PLD1: variants seen among roughly 807,000 people sequenced by gnomAD.
PLD1 encodes choline phosphatase 1.
A neutral mutation model predicts 137.1 loss-of-function variants in PLD1; 112 were observed. The observed-to-expected ratio is 0.82, with a 90% confidence interval of 0.70 to 0.96. The LOEUF is 0.96. Among genes scored for constraint, PLD1 ranks in the 40% least tolerant of loss-of-function variants. PLD1 has a pLI of 0.00. For synonymous variants in PLD1, 431 were observed against 454.7 expected (o/e 0.95, Z 0.66); for missense variants, 1,321 against 1,342.0 (o/e 0.98, Z 0.24).
At chr3:171,792,372 T>C (rs546790354) in intron 1 of PLD1, 4 of 352,140 alleles carry the variant, frequency 1.1e-5, no homozygotes, top group South Asian at 6.5e-5. Context: ...CCTTATTTCA[T>C]ATACTAAGAG....
Position 171,735,543 on chromosome 3 carries a change from C to T in PLD1, c.383G>A (p.Arg128Lys), listed in dbSNP as rs772624558. ...RKFKHFQEFH[R>K]ELLKYKAFIR... ...AAAGGCTTTGTACTTGAGCAGCTCT[C>T]TGTGAAATTCTTGAAAATGCTTGAA... Residue 128 changes from arginine to lysine, a missense_variant, in exon 4 of 27, where the codon AGA becomes AAA. By Grantham distance (26) the Arg-to-Lys change is conservative (BLOSUM62 2). Transcript: ENST00000351298. 10 of 1,612,746 alleles carry T rather than the reference C, an allele frequency of 6.2e-6. No homozygotes were observed. The East Asian group carries it at 2.0e-4, about 32-fold the overall frequency.
intron 23 of PLD1, among the ~76,000 whole-genome samples, chr3:171,639,598 C>T (rs1175221022): frequency 1.0e-4 from 8 of 76,392 alleles, no homozygotes; most frequent in Admixed American, 9.4e-4. Flanking sequence ...AATATATATT[C>T]ATATAATATA....
chr3:171,666,251 G>A (rs1287301989), intron 19 of PLD1: 1 of 152,472 alleles, frequency 6.6e-6, no homozygotes, highest in East Asian at 1.9e-4. Context: ...AGTTTTAATG[G>A]ACTCACAGTT....
At position 171,685,277 on chromosome 3, in the gene PLD1, T is replaced by C. The variant is rs114577933; in HGVS notation, c.1867+1408A>G. Among the ~76,000 whole-genome samples the C allele has an allele frequency of 4.3e-3, 661 of 152,286 alleles. 6 individuals are homozygous for C. The highest frequency in any genetic ancestry group is 0.015 in the African/African-American group (624 of 41,558). Reference sequence around the variant, plus strand: ...ATGCTGGGAATCATTACTCAAAGTCTAGCATAATTTTTCAGGTTCATTAGC... The same window carrying C: ...ATGCTGGGAATCATTACTCAAAGTCCAGCATAATTTTTCAGGTTCATTAGC... On this transcript the variant is annotated intron_variant, in intron 16 of 26. Coordinates refer to ENST00000351298, the MANE Select transcript of PLD1 (RefSeq NM_002662.5).
intron 23 of PLD1, among the ~76,000 whole-genome samples, chr3:171,630,472 T>TAG (rs1218696802): frequency 8.6e-6 from 1 of 116,884 alleles, no homozygotes; most frequent in African/African-American, 3.9e-5. Context: ...CTCAGGGATC[T>TAG]AGAACTAGAA....
chr3:171,656,451 G>A (rs1329865211), intron 21 of PLD1, among the ~76,000 whole-genome samples: 4 of 152,190 alleles, frequency 2.6e-5, no homozygotes, highest in Non-Finnish European at 5.9e-5. Flanking sequence ...GATTACAGGC[G>A]TGAGCCACCA....
intron 11 of PLD1, among the ~76,000 whole-genome samples, 185 bp downstream of exon 11, chr3:171,708,570 T>C (rs1251484169): frequency 6.6e-6 from 1 of 152,234 alleles, no homozygotes; most frequent in Non-Finnish European, 1.5e-5. Context: ...TTATGAATAT[T>C]GTTGAGGCCA....
At chr3:171,728,083 G>C (rs947807674) in intron 6 of PLD1, among the ~76,000 whole-genome samples, 6 of 152,182 alleles carry the variant, frequency 3.9e-5, no homozygotes, top group Non-Finnish European at 7.3e-5. Context: ...GCTGAGGTGG[G>C]TGGATCACTT....
chr3:171,751,125 A>G (rs950655566), intron 1 of PLD1, among the ~76,000 whole-genome samples: 1 of 152,182 alleles, frequency 6.6e-6, no homozygotes, highest in Non-Finnish European at 1.5e-5. Flanking sequence ...TATAAAATAA[A>G]ATTAGTTCTC....
intron 1 of PLD1, among the ~76,000 whole-genome samples, chr3:171,754,219 T>C (rs1720859155): frequency 6.6e-6 from 1 of 152,180 alleles, no homozygotes; most frequent in Non-Finnish European, 1.5e-5. Context: ...GGGTTCTCAG[T>C]CACTGTTTCT....
intron 23 of PLD1, among the ~76,000 whole-genome samples, chr3:171,642,226 G>A (rs1397456776): frequency 2.0e-5 from 3 of 151,856 alleles, no homozygotes; most frequent in Non-Finnish European, 2.9e-5. Flanking sequence ...AGGCTGTGGC[G>A]GGTGGATCAC....
chr3:171,624,787 A>G (rs1426935075), intron 23 of PLD1, among the ~76,000 whole-genome samples: 1 of 152,156 alleles, frequency 6.6e-6, no homozygotes, highest in Non-Finnish European at 1.5e-5. Context: ...GGTGAACAAG[A>G]GAATATGCAG....
intron 24 of PLD1, among the ~76,000 whole-genome samples, chr3:171,614,814 G>A (rs7611425): frequency 0.078 from 11,887 of 152,226 alleles, 1,314 homozygotes; most frequent in African/African-American, 0.25. Flanking sequence ...AGCCAGCCTG[G>A]AAAGCCCCCT....
At chr3:171,687,978 G>A (rs1031174685) in intron 14 of PLD1, among the ~76,000 whole-genome samples, 2 of 152,052 alleles carry the variant, frequency 1.3e-5, no homozygotes, top group African/African-American at 4.8e-5. Flanking sequence ...TGCTATTTTT[G>A]CATAAGTTTT....
rs140477974 is a variant in PLD1, at chr3:171,724,804, A to T, written c.666-16T>A. On this transcript the variant is annotated splice_polypyrimidine_tract_variant and intron_variant, in intron 7 of 26. Coordinates refer to ENST00000351298, the MANE Select transcript of PLD1 (RefSeq NM_002662.5). The stretch of plus-strand genomic sequence containing the variant: ...CATACCTTCTCTGAAAGAGACAGAA[A>T]ATTAACCCATCACCTTCAAATTTCC... The T allele has an allele frequency of 2.2e-4, 325 of 1,507,468 alleles. 2 individuals carry two copies. The African/African-American group carries it at 3.8e-3, about 18-fold the overall frequency. 93.4% of individuals were successfully genotyped at this position (1,507,468 alleles called of 1,614,324 possible). A position where few individuals can be genotyped will look rare whatever the true frequency, so the allele number is the denominator to read the frequency against.
intron 24 of PLD1, among the ~76,000 whole-genome samples, chr3:171,615,623 A>G (rs184116502): frequency 1.3e-5 from 2 of 152,328 alleles, no homozygotes; most frequent in Admixed American, 6.5e-5. Flanking sequence ...TAATTTATAT[A>G]AGTGGAATCA....
At chr3:171,643,175 C>T (rs1560173740) in intron 22 of PLD1, 3 of 295,630 alleles carry the variant, frequency 1.0e-5, no homozygotes, top group Non-Finnish European at 6.2e-6. Flanking sequence ...CATGAATGAA[C>T]TTTCCCTCTT....
intron 19 of PLD1, among the ~76,000 whole-genome samples, chr3:171,663,646 C>T (rs1240995252): frequency 6.6e-6 from 1 of 152,212 alleles, no homozygotes; most frequent in Non-Finnish European, 1.5e-5. Context: ...GTTCTCAACA[C>T]TCAGCAACCA....
chr3:171,770,519 A>T (rs2108329331), intron 1 of PLD1, among the ~76,000 whole-genome samples: 1 of 152,306 alleles, frequency 6.6e-6, no homozygotes, highest in South Asian at 2.1e-4. Context: ...AAAAAATAAA[A>T]TCAACTGTGT....
Sources: gnomAD v4.1 joint callset for allele counts (sites outside exome capture counted in the v4.1 genomes callset) on GRCh38, gnomAD v4.1.1 for gene constraint, MANE v1.5 for transcripts, NCBI Gene and HGNC (gene_info 2026-07-23, HGNC 2026-07-21) for gene names.